Variants in DNMBP observed in about 807,000 individuals in gnomAD.
The protein encoded by DNMBP is dynamin binding protein.
A neutral mutation model predicts 150.0 loss-of-function variants in DNMBP; 87 were observed. That is an observed-to-expected ratio of 0.58 (90% CI 0.49 to 0.69). DNMBP has a LOEUF of 0.69. Among genes scored for constraint, DNMBP ranks in the 30% least tolerant of loss-of-function variants. DNMBP has a pLI of 0.00. For synonymous variants in DNMBP, 711 were observed against 750.4 expected (o/e 0.95, Z 0.86); for missense variants, 1,774 against 1,949.0 (o/e 0.91, Z 1.69).
At chr10:99,959,173 C>T (rs2040533170) in intron 3 of DNMBP, among the ~76,000 whole-genome samples, 1 of 151,998 alleles carries the variant, frequency 6.6e-6, no homozygotes, top group Admixed American at 6.6e-5. Context: ...GTTTGGAAAG[C>T]TATACTTATT....
rs2040498972 is a variant in DNMBP at position 99,956,549 on chromosome 10, T to C, written c.925A>G (p.Met309Val). Reference sequence around the variant, plus strand: ...AGGCTGCCTTCCTGGGGCAGAGCCATGGTTTCCTCCACCCGTGTGTCAGGA... The same window carrying C: ...AGGCTGCCTTCCTGGGGCAGAGCCACGGTTTCCTCCACCCGTGTGTCAGGA... The part of the protein sequence containing the change: ...LCPDTRVEET[M>V]ALPQEGSLAR... Residue 309 changes from methionine to valine, a missense_variant, in exon 4 of 17, where the codon ATG becomes GTG. Coordinates refer to ENST00000324109, the MANE Select transcript of DNMBP (RefSeq NM_015221.4). 6.2e-7 allele frequency: 1 copy of C among 1,614,130 alleles called. No individual in the cohort carries two copies. Among genetic ancestry groups the C allele is most frequent in the South Asian group, 1.1e-5 (1 of 91,076 alleles).
At chr10:100,006,124 G>A (rs891723919) in intron 1 of DNMBP, among the ~76,000 whole-genome samples, 2 of 152,166 alleles carry the variant, frequency 1.3e-5, no homozygotes, top group Admixed American at 6.5e-5. Flanking sequence ...TTTTCAATCA[G>A]GAAGGGAAAA....
intron 10 of DNMBP, 56 bp downstream of exon 10, chr10:99,896,211 T>C (rs2133222077): frequency 6.9e-6 from 11 of 1,590,624 alleles, no homozygotes; most frequent in Admixed American, 1.7e-5. Context: ...GGCTGTCTCA[T>C]GGAGCCCTGA....
At chr10:99,904,264 G>A (rs1009550695) in intron 6 of DNMBP, among the ~76,000 whole-genome samples, 1 of 151,926 alleles carries the variant, frequency 6.6e-6, no homozygotes, top group African/African-American at 2.4e-5. Flanking sequence ...AAAAAAAAAG[G>A]AAAACACTGG....
In DNMBP at chr10:99,876,836, A is replaced by C. The variant is rs1272812501; in HGVS notation, c.*315T>G. The C allele has an allele frequency of 4.0e-6, 1 of 252,876 alleles. No individual in the cohort carries two copies. Among genetic ancestry groups the C allele is most frequent in the Non-Finnish European group, 7.4e-6 (1 of 134,752 alleles). The allele number at this position is 252,876 out of a possible 1,614,324, so 15.7% of individuals were successfully genotyped here. On this transcript the variant is annotated 3_prime_UTR_variant, in exon 17 of 17. Coordinates refer to ENST00000324109, the MANE Select transcript of DNMBP (RefSeq NM_015221.4). ...CTATTGCTAGAGCACAGCTTCCTGC[A>C]TACATAGGACACTGGGCTTCTGACT...
Position 99,898,711 on chromosome 10 carries a change from G to T in DNMBP, c.2720+32C>A. ...GTTAGGAAAAATCCACAGAAGAAAT[G>T]AGCGCATACATCAAGCAGCAATGGA... On this transcript the variant is annotated intron_variant, in intron 8 of 16. Coordinates refer to ENST00000324109, the MANE Select transcript of DNMBP (RefSeq NM_015221.4). The T allele has an allele frequency of 1.9e-6, 3 of 1,611,612 alleles. No homozygotes were observed. In the South Asian group the frequency reaches 3.3e-5, roughly 18 times the overall value.
chr10:99,914,191 C>T, intron 4 of DNMBP: 1 of 1,136,640 alleles, frequency 8.8e-7, no homozygotes, highest in Middle Eastern at 2.2e-4. Flanking sequence ...CTGAGAAGTG[C>T]ACCAGCGGGC....
chr10:99,882,645 T>TA (rs1450880574), intron 15 of DNMBP, among the ~76,000 whole-genome samples: 7 of 152,082 alleles, frequency 4.6e-5, no homozygotes, highest in Non-Finnish European at 7.4e-5. Flanking sequence ...AACTAAAACT[T>TA]AAAGTATCTC....
At chr10:100,004,693 T>G (rs564255765) in intron 1 of DNMBP, among the ~76,000 whole-genome samples, 1 of 151,662 alleles carries the variant, frequency 6.6e-6, no homozygotes, top group Admixed American at 6.6e-5. Context: ...TCAGGAAGAG[T>G]TCCTTAAACA....
intron 6 of DNMBP, among the ~76,000 whole-genome samples, chr10:99,900,383 C>T (rs776778986): frequency 8.7e-5 from 13 of 150,102 alleles, no homozygotes; most frequent in Admixed American, 5.3e-4. Flanking sequence ...AGACTCAGGT[C>T]GGTCCCTAGT....
chr10:99,958,187 A>C (rs551337916), intron 3 of DNMBP: 26 of 152,354 alleles, frequency 1.7e-4, no homozygotes, highest in African/African-American at 5.3e-4. Context: ...CAGTAGCCAC[A>C]AATTACATGA....
intron 4 of DNMBP, chr10:99,914,078 TC>T: frequency 7.1e-6 from 10 of 1,416,576 alleles, no homozygotes; most frequent in East Asian, 2.8e-5. Context: ...GGTCGGCATT[TC>T]CCCCAGGCTT....
rs1398943069 is a variant in DNMBP, at chr10:99,959,884, T to G, written c.269-2679A>C. 2.7e-5 allele frequency among the ~76,000 whole-genome samples: 4 copies of G among 150,862 alleles called. No individual in the cohort carries two copies. In the East Asian group the frequency reaches 7.8e-4, roughly 29 times the overall value. On this transcript the variant is annotated intron_variant, in intron 3 of 16. Transcript: ENST00000324109. ...AAAAAAAACAAAAAAAAAACAAATC[T>G]TTAGTAAAGGGTTCTTTGTTGGAGA... is the stretch of plus-strand genomic sequence containing the variant.
At chr10:99,897,976 A>G (rs1223895145) in intron 9 of DNMBP, 110 bp downstream of exon 9, 2 of 881,358 alleles carry the variant, frequency 2.3e-6, no homozygotes, top group Middle Eastern at 2.2e-4. Context: ...TCACAGCCCT[A>G]TTATACCTAC....
intron 3 of DNMBP, among the ~76,000 whole-genome samples, chr10:99,967,853 T>C (rs927946436): frequency 6.6e-6 from 1 of 152,174 alleles, no homozygotes; most frequent in African/African-American, 2.4e-5. Context: ...TTCTGTCTTT[T>C]AGACACTACT....
chr10:100,009,312 G>C (rs2041108235), intron 1 of DNMBP, among the ~76,000 whole-genome samples: 1 of 152,358 alleles, frequency 6.6e-6, no homozygotes, highest in East Asian at 1.9e-4. Context: ...GGGTGTCCGC[G>C]GGTTTCTGCA....
chr10:99,890,838 G>T (rs1432473018), intron 11 of DNMBP, among the ~76,000 whole-genome samples: 3 of 152,078 alleles, frequency 2.0e-5, no homozygotes, highest in African/African-American at 7.2e-5. Flanking sequence ...GTAGAGACAG[G>T]GTTTCACCAC....
chr10:99,955,805 T>C lies in DNMBP; in HGVS notation c.1669A>G (p.Ile557Val). ...CCTGCCAAGCTCTTCTCAAACTCGA[T>C]CAGCTGTTGTGTCAGCTTCGAGTCC... The part of the protein sequence containing the change: ...DLDSKLTQQL[I>V]EFEKSLAGPG... The change falls in exon 4 of 17, where the codon ATC becomes GTC. Residue 557 changes from isoleucine (I) to valine (V), a missense_variant. By Grantham distance (29) the Ile-to-Val change is conservative. Transcript: ENST00000324109. 2 of 1,614,230 alleles carry C rather than the reference T, an allele frequency of 1.2e-6. No individual in the cohort carries two copies. Among genetic ancestry groups the C allele is most frequent in the Non-Finnish European group, 1.7e-6 (2 of 1,180,034 alleles).
chr10:99,908,640 C>A (rs1564727787), intron 5 of DNMBP, among the ~76,000 whole-genome samples: 1 of 152,190 alleles, frequency 6.6e-6, no homozygotes, highest in Non-Finnish European at 1.5e-5. Context: ...TTTGTTACAT[C>A]ATCACTCAGC....
Sources: allele counts gnomAD v4.1 joint callset (sites outside exome capture counted in the v4.1 genomes callset), GRCh38; gene constraint gnomAD v4.1.1; transcripts MANE v1.5; gene names NCBI Gene and HGNC (gene_info 2026-07-23, HGNC 2026-07-21).